The following SGCZ variants were observed in gnomAD, a reference collection of about 807,000 sequenced individuals.
SGCZ encodes zeta-sarcoglycan.
Under a neutral mutation model 41.3 loss-of-function variants are expected in SGCZ, and 40 were observed. That is an observed-to-expected ratio of 0.97 (90% CI 0.75 to 1.26). The LOEUF is 1.26. Ranked by LOEUF, SGCZ falls within the 50% of genes most tolerant of loss-of-function variation. The pLI is 0.00. For missense variants in SGCZ, 552 were observed against 369.8 expected (o/e 1.49, Z -4.04); for synonymous variants, 206 against 137.5 (o/e 1.50, Z -3.49).
intron 1 of SGCZ, among the ~76,000 whole-genome samples, chr8:15,002,405 T>A (rs1802459490): frequency 6.6e-6 from 1 of 152,154 alleles, no homozygotes; most frequent in Non-Finnish European, 1.5e-5. Context: ...TATAGTACGT[T>A]TTATTTTAAG....
At chr8:14,621,277 G>T (rs1377647849) in intron 1 of SGCZ, among the ~76,000 whole-genome samples, 3 of 130,484 alleles carry the variant, frequency 2.3e-5, no homozygotes, top group East Asian at 2.4e-4. Flanking sequence ...TCACACACTG[G>T]GGCCTGTTGT....
intron 1 of SGCZ, among the ~76,000 whole-genome samples, chr8:14,956,388 C>G (rs966591064): frequency 6.6e-6 from 1 of 152,152 alleles, no homozygotes; most frequent in South Asian, 2.1e-4. Flanking sequence ...ACAGTCTGTT[C>G]CCTTCCCAAT....
chr8:15,060,805 A>G (rs1470517105), intron 1 of SGCZ, among the ~76,000 whole-genome samples: 3 of 152,102 alleles, frequency 2.0e-5, no homozygotes, highest in African/African-American at 4.8e-5. Context: ...TTGTTTTAGC[A>G]GGCATTAATT....
intron 4 of SGCZ, among the ~76,000 whole-genome samples, chr8:14,198,570 C>A (rs1173443539): frequency 6.7e-6 from 1 of 149,670 alleles, no homozygotes; most frequent in Non-Finnish European, 1.5e-5. Flanking sequence ...ACAAATTGCA[C>A]ATGTACACCA....
intron 1 of SGCZ, among the ~76,000 whole-genome samples, chr8:14,677,503 G>A (rs78779743): frequency 3.0e-4 from 46 of 152,192 alleles, no homozygotes; most frequent in East Asian, 2.3e-3. Context: ...CGGGCGGGGT[G>A]GCTCACACCT....
chr8:14,094,635 T>G (rs1191482185), intron 7 of SGCZ, among the ~76,000 whole-genome samples: 1 of 152,048 alleles, frequency 6.6e-6, no homozygotes, highest in African/African-American at 2.4e-5. Context: ...ATTTATAATC[T>G]TTTGGGTATA....
chr8:15,233,552 T>A (rs184944871), intron 1 of SGCZ, among the ~76,000 whole-genome samples: 21 of 152,118 alleles, frequency 1.4e-4, no homozygotes, highest in Admixed American at 1.1e-3. Flanking sequence ...TAGGGAAGGT[T>A]TTTCCTCACC....
chr8:14,847,117 A>G (rs923224227), intron 1 of SGCZ, among the ~76,000 whole-genome samples: 1 of 121,906 alleles, frequency 8.2e-6, no homozygotes, highest in South Asian at 2.7e-4. Flanking sequence ...AAGAAAGAAG[A>G]AGAAGAAGAA....
intron 3 of SGCZ, among the ~76,000 whole-genome samples, chr8:14,244,390 C>T (rs13269547): frequency 1 from 151,592 of 152,304 alleles, 75,447 homozygotes; most frequent in East Asian, 1. Flanking sequence ...AAGGCAGCTA[C>T]GTCATTCCTT....
chr8:14,701,080 G>A (rs955455625), intron 1 of SGCZ, among the ~76,000 whole-genome samples: 17 of 151,974 alleles, frequency 1.1e-4, no homozygotes, highest in African/African-American at 1.7e-4. Context: ...GGAGTGTTGC[G>A]GAAGGATAAG....
intron 2 of SGCZ, among the ~76,000 whole-genome samples, chr8:14,428,030 G>A (rs1367953819): frequency 1.3e-5 from 2 of 151,738 alleles, no homozygotes; most frequent in African/African-American, 4.8e-5. Context: ...AGCGATTTGA[G>A]CATCTGCAGA....
chr8:14,337,983 C>G (rs1439390646), intron 2 of SGCZ, among the ~76,000 whole-genome samples: 2 of 152,132 alleles, frequency 1.3e-5, no homozygotes, highest in Admixed American at 6.5e-5. Flanking sequence ...CTTAATAACT[C>G]TTGCTGTCCA....
At chr8:14,131,714 A>C (rs1461004618) in intron 5 of SGCZ, among the ~76,000 whole-genome samples, 2 of 152,222 alleles carry the variant, frequency 1.3e-5, no homozygotes, top group Admixed American at 1.3e-4. Context: ...TTCTTCAAAT[A>C]AGCCATGAAA....
intron 4 of SGCZ, among the ~76,000 whole-genome samples, chr8:14,219,481 G>A (rs934686276): frequency 1.3e-5 from 2 of 152,210 alleles, no homozygotes; most frequent in Non-Finnish European, 2.9e-5. Context: ...GGGCACAGTG[G>A]CTCACGCCTG....
chr8:14,266,015 G>A (rs1424498880), intron 3 of SGCZ, among the ~76,000 whole-genome samples: 1 of 152,008 alleles, frequency 6.6e-6, no homozygotes, highest in Non-Finnish European at 1.5e-5. Context: ...AGTTATTAGT[G>A]TTCAAGAGGC....
At chr8:14,677,929 T>C (rs908233976) in intron 1 of SGCZ, among the ~76,000 whole-genome samples, 12 of 152,138 alleles carry the variant, frequency 7.9e-5, no homozygotes, top group South Asian at 2.1e-4. Flanking sequence ...GAAATCAAGA[T>C]AATATGGTAC....
intron 1 of SGCZ, among the ~76,000 whole-genome samples, chr8:14,683,694 G>C (rs1024658268): frequency 6.6e-6 from 1 of 152,054 alleles, no homozygotes; most frequent in Non-Finnish European, 1.5e-5. Context: ...TAGTACAAGT[G>C]TATAATTCTT....
chr8:15,158,834 C>G (rs1021921627), intron 1 of SGCZ, among the ~76,000 whole-genome samples: 6 of 152,078 alleles, frequency 3.9e-5, no homozygotes, highest in South Asian at 2.1e-4. Context: ...GAGAAAGATC[C>G]TAGAAATATT....
At chr8:15,153,940 C>T (rs1018986459) in intron 1 of SGCZ, among the ~76,000 whole-genome samples, 2 of 152,116 alleles carry the variant, frequency 1.3e-5, no homozygotes, top group African/African-American at 4.8e-5. Flanking sequence ...GAGAACTACT[C>T]CACCTCAGAT....
Sources: allele counts gnomAD v4.1 joint callset (sites outside exome capture counted in the v4.1 genomes callset), GRCh38; gene constraint gnomAD v4.1.1; transcripts MANE v1.5; gene names NCBI Gene and HGNC (gene_info 2026-07-23, HGNC 2026-07-21).